Variants in ROBO1 observed in about 807,000 individuals in gnomAD.
ROBO1 encodes the protein roundabout homolog 1.
Under a neutral mutation model 195.9 loss-of-function variants are expected in ROBO1, and 149 were observed. That is an observed-to-expected ratio of 0.76 (90% CI 0.67 to 0.87). ROBO1 has a LOEUF of 0.87. Among genes scored for constraint, ROBO1 ranks in the 40% least tolerant of loss-of-function variants. The pLI, the probability that ROBO1 is intolerant of heterozygous loss-of-function variation, is 0.00. For missense variants in ROBO1, 1,933 were observed against 2,068.3 expected, an observed-to-expected ratio of 0.93 and a Z score of 1.27; for synonymous variants, 816 against 733.2, an observed-to-expected ratio of 1.11 and a Z score of -1.82.
chr3:79,183,827 C>T (rs1315436140), intron 2 of ROBO1, among the ~76,000 whole-genome samples: 1 of 152,142 alleles, frequency 6.6e-6, no homozygotes, highest in Non-Finnish European at 1.5e-5. Flanking sequence ...AGAGATATAA[C>T]ATTAGTGAAT....
At chr3:79,047,804 G>T (rs527595081) in intron 3 of ROBO1, among the ~76,000 whole-genome samples, 1 of 152,016 alleles carries the variant, frequency 6.6e-6, no homozygotes, top group Non-Finnish European at 1.5e-5. Flanking sequence ...AAATGAGGAC[G>T]TCCTAGAAGA....
At chr3:78,806,061 G>A (rs531566034) in intron 4 of ROBO1, among the ~76,000 whole-genome samples, 15 of 152,096 alleles carry the variant, frequency 9.9e-5, no homozygotes, top group South Asian at 8.3e-4. Context: ...CTGGGCTCAA[G>A]CGATCCTCTC....
At chr3:79,136,542 T>C (rs951340597) in intron 2 of ROBO1, among the ~76,000 whole-genome samples, 1 of 152,150 alleles carries the variant, frequency 6.6e-6, no homozygotes, top group African/African-American at 2.4e-5. Context: ...TTCTCATCGA[T>C]TCTTTCCTAC....
Position 79,445,113 on chromosome 3 carries a change from C to T in ROBO1, c.88+144711G>A, listed in dbSNP as rs143838572. Among the ~76,000 whole-genome samples the T allele has an allele frequency of 3.0e-3, 454 of 151,966 alleles. 3 individuals carry two copies. The highest frequency in any genetic ancestry group is 5.5e-3 in the Non-Finnish European group (373 of 67,934). On this transcript the variant is annotated intron_variant, in intron 2 of 30. Coordinates refer to ENST00000464233, the MANE Select transcript of ROBO1 (RefSeq NM_002941.4). Reference sequence around the variant, plus strand: ...TTTATGACAATCAGTCCAGTTGTATCCTCTTTGTCTCATTCCAGTTGTTTG... The same window carrying T: ...TTTATGACAATCAGTCCAGTTGTATTCTCTTTGTCTCATTCCAGTTGTTTG...
At chr3:79,498,254 A>G (rs1159773324) in intron 2 of ROBO1, among the ~76,000 whole-genome samples, 2 of 152,184 alleles carry the variant, frequency 1.3e-5, no homozygotes, top group Non-Finnish European at 2.9e-5. Context: ...TATAATTTCA[A>G]TACATATTGA....
chr3:79,530,160 A>C (rs1228354683), intron 2 of ROBO1, among the ~76,000 whole-genome samples: 3 of 152,208 alleles, frequency 2.0e-5, no homozygotes, highest in Admixed American at 6.5e-5. Flanking sequence ...AGTAATCTTC[A>C]TAATCACATA....
chr3:79,363,162 T>G (rs1486669681), intron 2 of ROBO1, among the ~76,000 whole-genome samples: 2 of 152,200 alleles, frequency 1.3e-5, no homozygotes, highest in Non-Finnish European at 2.9e-5. Context: ...ACACATAAAA[T>G]CTGTGGATAG....
intron 1 of ROBO1, among the ~76,000 whole-genome samples, chr3:79,597,422 T>C (rs1052048728): frequency 1.9e-4 from 29 of 152,054 alleles, no homozygotes; most frequent in African/African-American, 7.0e-4. Context: ...ATAAGTATAT[T>C]ATTTTAAAAT....
chr3:79,653,240 A>G (rs187828908), intron 1 of ROBO1, among the ~76,000 whole-genome samples: 210 of 151,972 alleles, frequency 1.4e-3, no homozygotes, highest in African/African-American at 4.9e-3. Context: ...GAAAAAATAA[A>G]TGAGAAATTC....
chr3:78,753,728 A>C (rs902786561), intron 4 of ROBO1, among the ~76,000 whole-genome samples: 18 of 152,078 alleles, frequency 1.2e-4, no homozygotes, highest in African/African-American at 4.3e-4. Context: ...GTTGTTCCCC[A>C]ACCTGTGTCC....
intron 4 of ROBO1, among the ~76,000 whole-genome samples, chr3:78,840,630 A>G (rs532858286): frequency 6.6e-6 from 1 of 152,288 alleles, no homozygotes; most frequent in Non-Finnish European, 1.5e-5. Context: ...TCAAACCTCA[A>G]TCCTTTCAGT....
chr3:79,455,885 C>A (rs2039604725), intron 2 of ROBO1, among the ~76,000 whole-genome samples: 1 of 152,098 alleles, frequency 6.6e-6, no homozygotes, highest in Non-Finnish European at 1.5e-5. Flanking sequence ...TGTAAAATAT[C>A]TAGAGACTGC....
intron 3 of ROBO1, among the ~76,000 whole-genome samples, chr3:79,117,187 G>A (rs1015068216): frequency 6.6e-6 from 1 of 151,938 alleles, no homozygotes; most frequent in African/African-American, 2.4e-5. Context: ...GGGCAAAACG[G>A]TGAAACCCCA....
intron 2 of ROBO1, among the ~76,000 whole-genome samples, chr3:79,416,274 G>T (rs752424191): frequency 6.6e-6 from 1 of 151,854 alleles, no homozygotes; most frequent in Non-Finnish European, 1.5e-5. Flanking sequence ...AAATGGCTTC[G>T]AGTTGTAGTG....
At chr3:79,694,397 G>T (rs944522357) in intron 1 of ROBO1, among the ~76,000 whole-genome samples, 1 of 151,760 alleles carries the variant, frequency 6.6e-6, no homozygotes, top group African/African-American at 2.4e-5. Context: ...ATTTCTACTT[G>T]ATACAGTGAT....
At chr3:78,679,218 C>G (rs1174824582) in intron 10 of ROBO1, among the ~76,000 whole-genome samples, 1 of 151,716 alleles carries the variant, frequency 6.6e-6, no homozygotes, top group African/African-American at 2.4e-5. Context: ...CAGCCAATAT[C>G]ATACTGAATG....
At chr3:78,805,041 C>T (rs1276440902) in intron 4 of ROBO1, among the ~76,000 whole-genome samples, 2 of 152,058 alleles carry the variant, frequency 1.3e-5, no homozygotes, top group African/African-American at 4.8e-5. Context: ...TGCCCCTTTC[C>T]AAGTAACTAT....
chr3:79,365,883 C>A (rs2035959706), intron 2 of ROBO1, among the ~76,000 whole-genome samples: 1 of 131,394 alleles, frequency 7.6e-6, no homozygotes, highest in Admixed American at 8.1e-5. Flanking sequence ...GGCGACACAG[C>A]AAGACTCCGT....
chr3:79,347,768 A>G (rs948290497), intron 2 of ROBO1, among the ~76,000 whole-genome samples: 1 of 152,232 alleles, frequency 6.6e-6, no homozygotes, highest in African/African-American at 2.4e-5. Context: ...GCTAAGATAT[A>G]ACAACAAATG....
Sources: allele counts gnomAD v4.1 joint callset (sites outside exome capture counted in the v4.1 genomes callset), GRCh38; gene constraint gnomAD v4.1.1; transcripts MANE v1.5; gene names NCBI Gene and HGNC (gene_info 2026-07-23, HGNC 2026-07-21).